PCDHGB5: variants seen among roughly 807,000 people sequenced by gnomAD.
PCDHGB5 encodes the protein protocadherin gamma-B5.
In PCDHGB5, 48 loss-of-function variants were observed where a neutral mutation model predicts 62.9. The ratio of observed to expected loss-of-function variants is 0.76; its 90% CI spans 0.61 to 0.97. The LOEUF (loss-of-function observed/expected upper bound fraction) is 0.97. Among genes scored for constraint, PCDHGB5 ranks in the 50% least tolerant of loss-of-function variants. PCDHGB5 has a pLI of 0.00. For missense variants in PCDHGB5, 1,118 were observed against 1,198.6 expected, an observed-to-expected ratio of 0.93 and a Z score of 0.99; for synonymous variants, 474 against 511.2, an observed-to-expected ratio of 0.93 and a Z score of 0.98.
intron 1 of PCDHGB5, chr5:141,417,819 C>T: frequency 3.3e-6 from 5 of 1,513,202 alleles, no homozygotes; most frequent in Non-Finnish European, 3.5e-6. Flanking sequence ...GCACTTTCTC[C>T]AACTGGAAAA....
chr5:141,482,470 C>T (rs768383368), intron 1 of PCDHGB5, among the ~76,000 whole-genome samples: 8 of 137,876 alleles, frequency 5.8e-5, no homozygotes, highest in Non-Finnish European at 1.2e-4. Flanking sequence ...ATGTGCCAGA[C>T]ACTGTAAACA....
Position 141,504,710 on chromosome 5 carries a change from G to A in PCDHGB5, c.2457-683G>A, listed in dbSNP as rs528205869. The stretch of plus-strand genomic sequence containing the variant: ...AGGAGGGGCAGGTTCTTCTATGGCC[G>A]TGGATTTTACTCTGAGGGCTTAGGA... On this transcript the variant is annotated intron_variant, in intron 2 of 3. Transcript: ENST00000617380. Among the ~76,000 whole-genome samples the A allele has an allele frequency of 1.4e-4, 21 of 151,968 alleles. No homozygotes were observed. The East Asian group carries it at 3.7e-3, about 27-fold the overall frequency.
At chr5:141,409,378 C>G (rs780715519) in intron 1 of PCDHGB5, 3 of 1,613,996 alleles carry the variant, frequency 1.9e-6, no homozygotes, top group Non-Finnish European at 2.5e-6. Context: ...ACATTCCATT[C>G]AAGATTTATT....
At chr5:141,409,524 A>AT (rs1357085904) in intron 1 of PCDHGB5, 9 of 1,613,854 alleles carry the variant, frequency 5.6e-6, no homozygotes, top group Non-Finnish European at 6.8e-6. Context: ...ATCACCTTGT[A>AT]TGTCGCTGAC....
rs753503057 is a variant in PCDHGB5 at position 141,400,154 on chromosome 5, T to A, written c.2027T>A (p.Val676Glu). 8 of 1,614,074 alleles carry A rather than the reference T, an allele frequency of 5.0e-6. 1 individual carries two copies. In the South Asian group the frequency reaches 6.6e-5, roughly 13 times the overall value. Residue 676 changes from valine to glutamate, a missense_variant, in exon 1 of 4, where the codon GTA becomes GAA. Val to Glu is a moderately radical substitution (Grantham distance 121, BLOSUM62 -2). Coordinates refer to ENST00000617380, the MANE Select transcript of PCDHGB5 (RefSeq NM_018925.3). ...CTGCCGGATATCACTGACCGCCCTG[T>A]ACCCTCTGACCCCCAGGCTGAGCTG... ...EVLPDITDRP[V>E]PSDPQAELQF...
intron 1 of PCDHGB5, chr5:141,421,352 AGG>A: frequency 6.2e-7 from 1 of 1,613,946 alleles, no homozygotes; most frequent in Non-Finnish European, 8.5e-7. Context: ...GAGACCGAAA[AGG>A]GCTCCTTCGT....
Position 141,431,794 on chromosome 5 carries a change from A to C in PCDHGB5, c.2397+31270A>C. On this transcript the variant is annotated intron_variant, in intron 1 of 3. Coordinates refer to ENST00000617380, the MANE Select transcript of PCDHGB5 (RefSeq NM_018925.3). The surrounding 1 kb of genome is among the most constrained non-coding windows in gnomAD (Gnocchi z 4.8). ...TTCTGGACGTGAACGACAATGCCCC[A>C]GAAGTGGTCCTCACCTCTCTCGCCA... 1 of 1,614,260 alleles carries C rather than the reference A, an allele frequency of 6.2e-7. No individual in the cohort carries two copies. Among genetic ancestry groups the C allele is most frequent in the Non-Finnish European group, 8.5e-7 (1 of 1,180,046 alleles).
chr5:141,491,810 G>T lies in PCDHGB5; in HGVS notation c.2398-2997G>T. 1 of 1,486,878 alleles carries T rather than the reference G, an allele frequency of 6.7e-7. No individual in the cohort carries two copies. The allele number at this position is 1,486,878 out of a possible 1,614,324, so 92.1% of individuals were successfully genotyped here. A position where few individuals can be genotyped will look rare whatever the true frequency, so the allele number is the denominator to read the frequency against. ...CCACTCCTCTCCGGCCGGCTTGGTC[G>T]CTGGCTGCGCTCCACCCGATTCTCG... On this transcript the variant is annotated intron_variant, in intron 1 of 3. Coordinates refer to ENST00000617380, the MANE Select transcript of PCDHGB5 (RefSeq NM_018925.3). This position sits in a 1 kb window ranked among gnomAD's most constrained non-coding sequence, Gnocchi z 6.9.
Position 141,486,740 on chromosome 5 carries a change from T to G in PCDHGB5, c.2398-8067T>G. Reference sequence around the variant, plus strand: ...AGGAGCTGTTCATGCTACTCGATCCTTTGACTATGAGCAAACCCAGACACT... The same window carrying G: ...AGGAGCTGTTCATGCTACTCGATCCGTTGACTATGAGCAAACCCAGACACT... On this transcript the variant is annotated intron_variant, in intron 1 of 3. Transcript: ENST00000617380. This position sits in a 1 kb window ranked among gnomAD's most constrained non-coding sequence, Gnocchi z 5.0. 6.2e-7 allele frequency: 1 copy of G among 1,614,234 alleles called. No individual in the cohort carries two copies. The highest frequency in any genetic ancestry group is 8.5e-7 in the Non-Finnish European group (1 of 1,180,046).
At position 141,414,606 on chromosome 5, in the gene PCDHGB5, A is replaced by G. The variant is rs760846889; in HGVS notation, c.2397+14082A>G. ...ACGCCAGGGGTGCCTCCATCTTCTCAGTGACAGCGCTGGACCCGGACAGCA... is the reference window on the plus strand; with the variant it reads ...ACGCCAGGGGTGCCTCCATCTTCTCGGTGACAGCGCTGGACCCGGACAGCA... On this transcript the variant is annotated intron_variant, in intron 1 of 3. Coordinates refer to ENST00000617380, the MANE Select transcript of PCDHGB5 (RefSeq NM_018925.3). The G allele has an allele frequency of 1.6e-5, 26 of 1,613,826 alleles. No homozygotes were observed. In the East Asian group the frequency reaches 5.6e-4, roughly 35 times the overall value.
rs760878091 is a variant in PCDHGB5 at position 141,476,406 on chromosome 5, T to A, written c.2398-18401T>A. The A allele has an allele frequency of 6.2e-7, 1 of 1,614,054 alleles. No individual in the cohort carries two copies. The highest frequency in any genetic ancestry group is 8.5e-7 in the Non-Finnish European group (1 of 1,180,002). On this transcript the variant is annotated intron_variant, in intron 1 of 3. Transcript: ENST00000617380. The surrounding 1 kb of genome is among the most constrained non-coding windows in gnomAD (Gnocchi z 7.6). Reference sequence around the variant, plus strand: ...AACGACCGTCTGGATCGAGAGGAGCTGTGTGGGACACTGCCCTCTTGCACT... The same window carrying A: ...AACGACCGTCTGGATCGAGAGGAGCAGTGTGGGACACTGCCCTCTTGCACT...
At chr5:141,459,300 A>G (rs954766370) in intron 1 of PCDHGB5, among the ~76,000 whole-genome samples, 2 of 152,202 alleles carry the variant, frequency 1.3e-5, no homozygotes, top group Non-Finnish European at 2.9e-5. Context: ...ATCCTATAAC[A>G]TATACTATTT....
At position 141,476,717 on chromosome 5, in the gene PCDHGB5, G is replaced by A. The variant is rs2099397053; in HGVS notation, c.2398-18090G>A. 6.2e-7 allele frequency: 1 copy of A among 1,614,048 alleles called. No homozygotes were observed. The stretch of plus-strand genomic sequence containing the variant: ...GTACGCGGAGCTGGTGTTGGAGCGC[G>A]CCCTGGACCGAGAACGGGAGCCTAG... On this transcript the variant is annotated intron_variant, in intron 1 of 3. Transcript: ENST00000617380. This position sits in a 1 kb window ranked among gnomAD's most constrained non-coding sequence, Gnocchi z 7.6.
rs1191643556 is a variant in PCDHGB5 at position 141,486,302 on chromosome 5, C to A, written c.2398-8505C>A. On this transcript the variant is annotated intron_variant, in intron 1 of 3. Transcript: ENST00000617380. The surrounding 1 kb of genome is among the most constrained non-coding windows in gnomAD (Gnocchi z 5.0). ...GGTGGCACTTATCAGTGTGCAGGAT[C>A]CAGACTCAGGGTCAAACGGAGATGT... The A allele has an allele frequency of 6.2e-7, 1 of 1,614,036 alleles. No individual in the cohort carries two copies. The highest frequency in any genetic ancestry group is 8.5e-7 in the Non-Finnish European group (1 of 1,179,994).
rs114669158 is a variant in PCDHGB5 at position 141,511,003 on chromosome 5, G to A, written c.2602G>A (p.Ala868Thr). The change falls in exon 4 of 4, where the codon GCC (alanine) becomes ACC (threonine). Residue 868 changes from alanine to threonine, a missense_variant. Physicochemically the swap from Ala to Thr is moderately conservative, Grantham distance 58 (BLOSUM62 0). Coordinates refer to ENST00000617380, the MANE Select transcript of PCDHGB5 (RefSeq NM_018925.3). Reference protein sequence around the residue: ...GGGAGTMGLSARYGPQFTLQH... With the variant: ...GGGAGTMGLSTRYGPQFTLQH... ...GGGTGCCGGCACCATGGGATTGAGCGCCCGCTACGGACCCCAGTTCACCCT... is the reference window on the plus strand; with the variant it reads ...GGGTGCCGGCACCATGGGATTGAGCACCCGCTACGGACCCCAGTTCACCCT... The A allele has an allele frequency of 1.0e-4, 163 of 1,614,148 alleles. 1 individual carries two copies. The highest frequency in any genetic ancestry group is 9.5e-5 in the Non-Finnish European group (112 of 1,180,012).
rs553673516 is a variant in PCDHGB5, at chr5:141,476,211, T to C, written c.2398-18596T>C. The C allele has an allele frequency of 5.4e-5, 87 of 1,613,942 alleles. No individual in the cohort carries two copies. The highest frequency in any genetic ancestry group is 7.0e-5 in the Non-Finnish European group (83 of 1,180,000). ...GGTGCCTTGAACAAGGCTTCCACGG[T>C]CATTCACTATGAGATCCCGGAGGAA... On this transcript the variant is annotated intron_variant, in intron 1 of 3. Coordinates refer to ENST00000617380, the MANE Select transcript of PCDHGB5 (RefSeq NM_018925.3). The surrounding 1 kb of genome is among the most constrained non-coding windows in gnomAD (Gnocchi z 7.6).
rs771124496 is a variant in PCDHGB5, at chr5:141,489,457, C to A, written c.2398-5350C>A. The A allele has an allele frequency of 6.2e-7, 1 of 1,613,882 alleles. No homozygotes were observed. The highest frequency in any genetic ancestry group is 8.5e-7 in the Non-Finnish European group (1 of 1,179,984). ...GCAATTGGGCTCTGAGGAGAATGGG[C>A]GCTATTTTTCCCTGAGCTTGATGAG... On this transcript the variant is annotated intron_variant, in intron 1 of 3. Coordinates refer to ENST00000617380, the MANE Select transcript of PCDHGB5 (RefSeq NM_018925.3). This position sits in a 1 kb window ranked among gnomAD's most constrained non-coding sequence, Gnocchi z 4.5.
chr5:141,478,244 T>C lies in PCDHGB5; in HGVS notation c.2398-16563T>C, dbSNP rs758993366. ...TTCTGTGGGGTTTGTGGTCACAGTG[T>C]TCGGAGTAATCATATTCAAAGTTTA... On this transcript the variant is annotated intron_variant, in intron 1 of 3. Coordinates refer to ENST00000617380, the MANE Select transcript of PCDHGB5 (RefSeq NM_018925.3). 5 of 1,614,132 alleles carry C rather than the reference T, an allele frequency of 3.1e-6. No individual in the cohort carries two copies. In the South Asian group the frequency reaches 4.4e-5, roughly 14 times the overall value.
chr5:141,478,392 A>T, intron 1 of PCDHGB5: 1 of 1,613,560 alleles, frequency 6.2e-7, no homozygotes, highest in East Asian at 2.2e-5. Flanking sequence ...CTTTACCATC[A>T]GGTGTATCTC....
Sources: gnomAD v4.1 joint callset for allele counts (sites outside exome capture counted in the v4.1 genomes callset) on GRCh38, gnomAD v4.1.1 for gene constraint, Gnocchi (gnomAD v3.1) non-coding constraint, MANE v1.5 for transcripts, NCBI Gene and HGNC (gene_info 2026-07-23, HGNC 2026-07-21) for gene names.